C13orf46: variants seen among roughly 807,000 people sequenced by gnomAD.
C13orf46 encodes the protein uncharacterized protein C13orf46.
At chr13:113,968,039 T>A (rs1230173229) in intron 4 of C13orf46, among the ~76,000 whole-genome samples, 2 of 152,030 alleles carry the variant, frequency 1.3e-5, no homozygotes, top group Non-Finnish European at 2.9e-5. Context: ...GCAAGCAGCG[T>A]GTCTGGTTGT....
At chr13:113,930,864 C>T in the C13orf46 span, among the ~76,000 whole-genome samples, 8 of 152,170 alleles carry the variant, frequency 5.3e-5, no homozygotes, top group Non-Finnish European at 1.0e-4. Flanking sequence ...TCCTGGCGGC[C>T]GCTCCTTCTC....
intron 1 of C13orf46, among the ~76,000 whole-genome samples, chr13:113,973,405 G>T (rs1206914736): frequency 6.6e-6 from 1 of 152,170 alleles, no homozygotes; most frequent in Non-Finnish European, 1.5e-5. Flanking sequence ...CAGTCACGGA[G>T]CCGGACGAGG....
chr13:113,968,177 T>C (rs1198687340), intron 4 of C13orf46, among the ~76,000 whole-genome samples: 1 of 152,136 alleles, frequency 6.6e-6, no homozygotes, highest in Admixed American at 6.5e-5. Flanking sequence ...TCTGGGTGTT[T>C]TCTGGGCCAA....
the C13orf46 span, among the ~76,000 whole-genome samples, chr13:113,936,581 C>T: frequency 3.9e-5 from 6 of 152,294 alleles, no homozygotes; most frequent in South Asian, 2.1e-4. Flanking sequence ...GTTTTACACA[C>T]GCAGAGCCGG....
the C13orf46 span, among the ~76,000 whole-genome samples, chr13:113,930,758 C>T: frequency 1.3e-5 from 2 of 152,202 alleles, no homozygotes; most frequent in African/African-American, 4.8e-5. Context: ...TCAACATCAC[C>T]CACATCAAAG....
At chr13:113,940,542 G>A in the C13orf46 span, among the ~76,000 whole-genome samples, 469 of 111,422 alleles carry the variant, frequency 4.2e-3, no homozygotes, top group African/African-American at 0.015. Context: ...CGAGACCCTG[G>A]TCTCTGGGAC....
chr13:113,963,061 C>T (rs1204556687), intron 6 of C13orf46, among the ~76,000 whole-genome samples: 1 of 152,206 alleles, frequency 6.6e-6, no homozygotes, highest in African/African-American at 2.4e-5. Flanking sequence ...ATCACAGCAG[C>T]AATCCGTCAG....
chr13:113,944,201 CCT>C, the C13orf46 span, among the ~76,000 whole-genome samples: 3 of 152,152 alleles, frequency 2.0e-5, no homozygotes, highest in Non-Finnish European at 2.9e-5. Flanking sequence ...CTTCCCCTCC[CCT>C]GATGCTCCAG....
the C13orf46 span, among the ~76,000 whole-genome samples, chr13:113,932,786 C>T: frequency 6.6e-6 from 1 of 151,928 alleles, no homozygotes; most frequent in South Asian, 2.1e-4. Flanking sequence ...CTTTCCCAAA[C>T]TAAAAGTCAC....
chr13:113,946,902 G>A, the C13orf46 span, among the ~76,000 whole-genome samples: 20 of 152,238 alleles, frequency 1.3e-4, no homozygotes, highest in Admixed American at 4.6e-4. Flanking sequence ...GCCCCACAGC[G>A]GCGATAGGAG....
the C13orf46 span, among the ~76,000 whole-genome samples, chr13:113,938,369 G>A: frequency 4.1e-3 from 619 of 152,290 alleles, 10 homozygotes; most frequent in East Asian, 0.05. Context: ...TGAAGGCAGG[G>A]CTGGCAGGAG....
Position 113,965,815 on chromosome 13 carries a change from GTGA to G in C13orf46, c.505-824_505-822del, listed in dbSNP as rs1330124136. On this transcript the variant is annotated intron_variant, in intron 5 of 6. Transcript: ENST00000636427. ...TATAATGGTGGTGATGATGGTGAAGGTGATGATGGTGATAATGGTGATGGTGAT... is the reference window on the plus strand; with the variant it reads ...TATAATGGTGGTGATGATGGTGAAGGTGATGGTGATAATGGTGATGGTGAT... Among the ~76,000 whole-genome samples the G allele has an allele frequency of 5.1e-4, 72 of 140,932 alleles. No homozygotes were observed. In the East Asian group the frequency reaches 9.7e-3, roughly 19 times the overall value. 92.5% of individuals were successfully genotyped at this position (140,932 alleles called of 152,430 possible). A position where few individuals can be genotyped will look rare whatever the true frequency, so the allele number is the denominator to read the frequency against.
At chr13:113,930,535 C>T in the C13orf46 span, among the ~76,000 whole-genome samples, 1 of 152,208 alleles carries the variant, frequency 6.6e-6, no homozygotes, top group Non-Finnish European at 1.5e-5. Flanking sequence ...AATCAGGCTG[C>T]TCCACTTCCC....
intron 5 of C13orf46, among the ~76,000 whole-genome samples, chr13:113,966,504 A>G (rs1005361116): frequency 2.7e-5 from 4 of 146,548 alleles, no homozygotes; most frequent in African/African-American, 1.0e-4. Flanking sequence ...TGGTGATTAT[A>G]ATGGTGGTGA....
the C13orf46 span, among the ~76,000 whole-genome samples, chr13:113,936,664 A>C: frequency 6.6e-6 from 1 of 151,754 alleles, no homozygotes; most frequent in Non-Finnish European, 1.5e-5. Flanking sequence ...GGGTCTCTCA[A>C]GGCTAGTTTA....
At chr13:113,951,602 T>C (rs2052488857), downstream of C13orf46, among the ~76,000 whole-genome samples, 1 of 149,252 alleles carries the variant, frequency 6.7e-6, no homozygotes, top group Admixed American at 6.8e-5. Context: ...CTGCACTCGC[T>C]CCCCGCCCCC....
At chr13:113,939,262 C>G in the C13orf46 span, among the ~76,000 whole-genome samples, 5 of 152,216 alleles carry the variant, frequency 3.3e-5, no homozygotes, top group Non-Finnish European at 2.9e-5. Flanking sequence ...CCCGGTGATG[C>G]CAGAAGCCAC....
intron 1 of C13orf46, among the ~76,000 whole-genome samples, chr13:113,973,058 C>G (rs754528540): frequency 1.3e-5 from 2 of 152,166 alleles, no homozygotes; most frequent in African/African-American, 4.8e-5. Context: ...TCCCTGCTGC[C>G]GGTGGAAGGA....
chr13:113,963,663 G>A (rs2052610802), intron 6 of C13orf46, among the ~76,000 whole-genome samples: 2 of 86,714 alleles, frequency 2.3e-5, no homozygotes, highest in Admixed American at 2.4e-4. Context: ...CCTCAGCCTT[G>A]CCCCTGTCCT....
Sources: gnomAD v4.1 joint callset for allele counts (sites outside exome capture counted in the v4.1 genomes callset) on GRCh38, gnomAD v4.1.1 for gene constraint, MANE v1.5 for transcripts, NCBI Gene and HGNC (gene_info 2026-07-23, HGNC 2026-07-21) for gene names.